Variants in COL28A1 observed in about 807,000 individuals in gnomAD.
COL28A1 encodes the protein collagen type XXVIII alpha 1 chain.
COL28A1 carries 161 observed loss-of-function variants against 150.2 expected under a neutral mutation model. The ratio of observed to expected loss-of-function variants is 1.07; its 90% confidence interval spans 0.94 to 1.22. The LOEUF (loss-of-function observed/expected upper bound fraction) is 1.22, where lower values mean the gene tolerates loss of function less well. Among genes scored for constraint, COL28A1 ranks in the 50% most tolerant of loss-of-function variants. The pLI, the probability that COL28A1 is intolerant of heterozygous loss-of-function variation, is 0.00. For synonymous variants in COL28A1, 552 were observed against 469.7 expected, an observed-to-expected ratio of 1.18 and a Z score of -2.26; for missense variants, 1,617 against 1,388.3, an observed-to-expected ratio of 1.16 and a Z score of -2.62.
rs1016271218 is a variant in COL28A1 at position 7,392,308 on chromosome 7, C to G, written c.2137-10696G>C. Among the ~76,000 whole-genome samples, 38 of 152,216 alleles carry G rather than the reference C, an allele frequency of 2.5e-4. 1 individual carries two copies. Among genetic ancestry groups the G allele is most frequent in the African/African-American group, 9.2e-4 (38 of 41,444 alleles). ...AGAATGTTGAATATTGGCTCCCACT[C>G]TCTTCTGGCTTGTAGGGTTTCTGCA... On this transcript the variant is annotated intron_variant, in intron 27 of 34. Coordinates refer to ENST00000399429, the MANE Select transcript of COL28A1 (RefSeq NM_001037763.3).
the COL28A1 span, among the ~76,000 whole-genome samples, chr7:7,543,345 A>G: frequency 6.6e-6 from 1 of 152,248 alleles, no homozygotes; most frequent in African/African-American, 2.4e-5. Flanking sequence ...GCAACTTTGT[A>G]GCTGAATAAT....
intron 25 of COL28A1, among the ~76,000 whole-genome samples, chr7:7,431,038 C>A (rs1784933873): frequency 6.6e-6 from 1 of 152,158 alleles, no homozygotes; most frequent in Non-Finnish European, 1.5e-5. Flanking sequence ...AATTTAGTGC[C>A]ATGGGTCTCC....
intron 22 of COL28A1, 148 bp downstream of exon 22, chr7:7,437,246 G>A: frequency 1.5e-6 from 2 of 1,322,106 alleles, no homozygotes; most frequent in Non-Finnish European, 2.0e-6. Context: ...GCTGGCTGTA[G>A]TTTGCTTATC....
At chr7:7,484,426 T>C (rs1290297736) in intron 13 of COL28A1, among the ~76,000 whole-genome samples, 1 of 152,076 alleles carries the variant, frequency 6.6e-6, no homozygotes, top group Non-Finnish European at 1.5e-5. Context: ...GAAGTATTTA[T>C]TGAAAAAAAC....
intron 21 of COL28A1, among the ~76,000 whole-genome samples, chr7:7,440,151 C>T (rs1247071457): frequency 2.6e-5 from 4 of 152,160 alleles, no homozygotes; most frequent in Non-Finnish European, 5.9e-5. Flanking sequence ...TTCGCTTCTT[C>T]CTCAGCACTG....
At chr7:7,389,988 T>C (rs143749723) in intron 27 of COL28A1, among the ~76,000 whole-genome samples, 4,485 of 152,300 alleles carry the variant, frequency 0.029, 105 homozygotes, top group Non-Finnish European at 0.047. Flanking sequence ...TTTATTTCTT[T>C]CTCTTGACTG....
At chr7:7,511,871 T>C (rs1781158993) in intron 8 of COL28A1, 1 of 465,200 alleles carries the variant, frequency 2.1e-6, no homozygotes, top group Non-Finnish European at 4.5e-6. Flanking sequence ...TGAGTTATTC[T>C]TTAGAGTTTA....
At position 7,443,672 on chromosome 7, in the gene COL28A1, ATG is replaced by A; in HGVS notation, c.1582-21_1582-20del. 6.2e-7 allele frequency: 1 copy of A among 1,613,748 alleles called. No homozygotes were observed. The highest frequency in any genetic ancestry group is 8.5e-7 in the Non-Finnish European group (1 of 1,179,864). ...CTTCTCCCTAGAGAAAATGACACTG[ATG>A]TGTTAGCTGACCCTCCAGTAGACAG... On this transcript the variant is annotated intron_variant, in intron 19 of 34. Coordinates refer to ENST00000399429, the MANE Select transcript of COL28A1 (RefSeq NM_001037763.3).
chr7:7,460,003 T>C (rs1237544165), intron 15 of COL28A1, among the ~76,000 whole-genome samples: 1 of 152,232 alleles, frequency 6.6e-6, no homozygotes, highest in African/African-American at 2.4e-5. Context: ...CCTAACTCCA[T>C]TTGTCCCAAC....
chr7:7,485,003 T>C (rs1240742411), intron 13 of COL28A1, among the ~76,000 whole-genome samples: 4 of 152,136 alleles, frequency 2.6e-5, no homozygotes, highest in Non-Finnish European at 5.9e-5. Context: ...AGGGTGAGGA[T>C]GGATAAATTG....
At chr7:7,468,440 A>C (rs1242814294) in intron 15 of COL28A1, among the ~76,000 whole-genome samples, 1 of 101,886 alleles carries the variant, frequency 9.8e-6, no homozygotes, top group Admixed American at 1.1e-4. Context: ...GACCAATAAC[A>C]GGCTCTGAAA....
chr7:7,472,429 A>G (rs1427669320), intron 15 of COL28A1, among the ~76,000 whole-genome samples: 1 of 150,468 alleles, frequency 6.6e-6, no homozygotes, highest in African/African-American at 2.4e-5. Context: ...AATAGCTGCA[A>G]AAAAAAAAAT....
At chr7:7,459,868 C>G (rs1320054536) in intron 15 of COL28A1, among the ~76,000 whole-genome samples, 1 of 152,196 alleles carries the variant, frequency 6.6e-6, no homozygotes, top group Non-Finnish European at 1.5e-5. Context: ...GAAAGCCAGA[C>G]TACTCCATAA....
intron 11 of COL28A1, among the ~76,000 whole-genome samples, chr7:7,493,751 A>C (rs1780051774): frequency 6.6e-6 from 1 of 152,086 alleles, no homozygotes; most frequent in African/African-American, 2.4e-5. Context: ...GGTAAAAACA[A>C]AACAGGGAGG....
At chr7:7,540,356 T>C (rs907389603), upstream of COL28A1, among the ~76,000 whole-genome samples, 11 of 152,264 alleles carry the variant, frequency 7.2e-5, no homozygotes, top group African/African-American at 2.7e-4. Context: ...TTCTAGATCT[T>C]GGTGAATTAT....
At position 7,373,054 on chromosome 7, in the gene COL28A1, AG is replaced by A. The variant is rs767546617; in HGVS notation, c.2851del (p.Leu951Ter). ...NFEIFHKEMN[L>X]IATDPEHVYQ... is the part of the protein sequence containing the mutation. ...AACATGCTCTGGGTCAGTAGCAATT[AG>A]ATTCATTTCTTTGTGGAATATTTCA... On this transcript the variant is annotated frameshift_variant, in exon 32 of 35. Coordinates refer to ENST00000399429, the MANE Select transcript of COL28A1 (RefSeq NM_001037763.3). LOFTEE classifies it high-confidence loss of function. The surrounding 1 kb of genome is among the most constrained non-coding windows in gnomAD (Gnocchi z 4.1). 3.9e-5 allele frequency: 63 copies of A among 1,614,070 alleles called. No individual in the cohort carries two copies. Among genetic ancestry groups the A allele is most frequent in the African/African-American group, 5.3e-5 (4 of 74,918 alleles).
chr7:7,539,585 C>T (rs1220284260), upstream of COL28A1, among the ~76,000 whole-genome samples: 1 of 151,916 alleles, frequency 6.6e-6, no homozygotes, highest in African/African-American at 2.4e-5. Context: ...TCTTATTTGT[C>T]AACAAAGGGA....
At chr7:7,348,224 G>A in the COL28A1 span, among the ~76,000 whole-genome samples, 1 of 151,976 alleles carries the variant, frequency 6.6e-6, no homozygotes, top group Non-Finnish European at 1.5e-5. Flanking sequence ...AGTTCAGAAG[G>A]ACTTGCAAGT....
chr7:7,498,910 G>GCA lies in COL28A1; in HGVS notation c.1026+7102_1026+7103dup, dbSNP rs551868141. Among the ~76,000 whole-genome samples, 479 of 149,036 alleles carry GCA rather than the reference G, an allele frequency of 3.2e-3. 3 individuals carry two copies. The highest frequency in any genetic ancestry group is 0.023 in the East Asian group (117 of 5,106). On this transcript the variant is annotated intron_variant, in intron 11 of 34. Transcript: ENST00000399429. Reference sequence around the variant, plus strand: ...TTTACCTGACAATCTACACACACACGCACACACACACACACACAGAGTATA... The same window carrying GCA: ...TTTACCTGACAATCTACACACACACGCACACACACACACACACACAGAGTATA...
Sources: allele counts gnomAD v4.1 joint callset (sites outside exome capture counted in the v4.1 genomes callset), GRCh38; gene constraint gnomAD v4.1.1; non-coding constraint Gnocchi (gnomAD v3.1); transcripts MANE v1.5; gene names NCBI Gene and HGNC (gene_info 2026-07-23, HGNC 2026-07-21).